Variants in ABCB11 observed in about 807,000 individuals in gnomAD.
The protein encoded by ABCB11 is bile salt export pump.
A neutral mutation model predicts 148.0 loss-of-function variants in ABCB11; 95 were observed. That is an observed-to-expected ratio of 0.64 (90% CI 0.54 to 0.76). The LOEUF (loss-of-function observed/expected upper bound fraction) is 0.76. Among genes scored for constraint, ABCB11 ranks in the 30% least tolerant of loss-of-function variants. The pLI, the probability that ABCB11 is intolerant of heterozygous loss-of-function variation, is 0.00. For synonymous variants in ABCB11, 591 were observed against 555.4 expected (o/e 1.06, Z -0.90); for missense variants, 1,523 against 1,617.8 (o/e 0.94, Z 1.01).
rs59452577 is a variant in ABCB11 at position 169,021,373 on chromosome 2, T to C, written c.-27-3221A>G. 0.015 allele frequency among the ~76,000 whole-genome samples: 2,246 copies of C among 152,268 alleles called. 242 individuals carry two copies. In the East Asian group the frequency reaches 0.29, roughly 20 times the overall value. On this transcript the variant is annotated intron_variant, in intron 1 of 27. Transcript: ENST00000650372. ...TGCAAATACTGATGTCTCAAAGCTG[T>C]TATGTTAATGTCAGAAAAATAGAAT...
At position 168,923,738 on chromosome 2, in the gene ABCB11, C is replaced by T. The variant is rs766784155; in HGVS notation, c.3850G>A (p.Asp1284Asn). 8 of 1,613,812 alleles carry T rather than the reference C, an allele frequency of 5.0e-6. No individual in the cohort carries two copies. In the South Asian group the frequency reaches 7.7e-5, roughly 16 times the overall value. ...CCCTGTGCCATGACAGCAATGATAT[C>T]CGCGTTCTGGATGGTGGACAAGCGA... is the stretch of plus-strand genomic sequence containing the variant. ...AHRLSTIQNA[D>N]IIAVMAQGVV... is the part of the protein sequence containing the mutation. The change falls in exon 28 of 28, where the codon GAT becomes AAT. Residue 1284 changes from aspartate to asparagine, a missense_variant. Coordinates refer to ENST00000650372, the MANE Select transcript of ABCB11 (RefSeq NM_003742.4).
chr2:168,937,065 T>C (rs977496818), intron 21 of ABCB11, among the ~76,000 whole-genome samples: 2 of 152,062 alleles, frequency 1.3e-5, no homozygotes, highest in African/African-American at 4.8e-5. Context: ...TTTTTTAATC[T>C]TAGTAGAAAT....
intron 18 of ABCB11, 100 bp from the exon 19 acceptor site, chr2:168,958,228 A>T: frequency 1.7e-6 from 2 of 1,167,442 alleles, no homozygotes; most frequent in Non-Finnish European, 2.5e-6. Context: ...TAGTTTGATT[A>T]GTTATGAGTG....
In ABCB11 at chr2:169,013,683, C is replaced by T. The variant is rs191025555; in HGVS notation, c.151-173G>A. The stretch of plus-strand genomic sequence containing the variant: ...ACTAATTATATTGAAATAAACGGCA[C>T]GGTACATCAATTATCTAAAACATTA... On this transcript the variant is annotated intron_variant, in intron 4 of 27. Transcript: ENST00000650372. Among the ~76,000 whole-genome samples the T allele has an allele frequency of 1.1e-4, 17 of 152,192 alleles. 1 individual carries two copies. The highest frequency in any genetic ancestry group is 2.2e-4 in the Non-Finnish European group (15 of 68,016).
chr2:168,952,488 C>T (rs1692610376), intron 19 of ABCB11, among the ~76,000 whole-genome samples: 2 of 151,386 alleles, frequency 1.3e-5, no homozygotes, highest in South Asian at 4.2e-4. Flanking sequence ...TTATCTATTT[C>T]CTCTAAGTTT....
At chr2:168,950,156 C>T (rs1337527047) in intron 19 of ABCB11, among the ~76,000 whole-genome samples, 1 of 150,750 alleles carries the variant, frequency 6.6e-6, no homozygotes, top group South Asian at 2.1e-4. Context: ...CACACACACA[C>T]ACACACACAC....
chr2:168,927,138 C>T lies in ABCB11; in HGVS notation c.3618+18G>A. 6.2e-7 allele frequency: 1 copy of T among 1,606,318 alleles called. No homozygotes were observed. Among genetic ancestry groups the T allele is most frequent in the South Asian group, 1.1e-5 (1 of 90,906 alleles). On this transcript the variant is annotated intron_variant, in intron 26 of 27. Transcript: ENST00000650372. ...CATCCTTGTCTCTCATAGGGAATGGCTCTGACTTCGTACTCACCTCTGGGA... is the reference window on the plus strand; with the variant it reads ...CATCCTTGTCTCTCATAGGGAATGGTTCTGACTTCGTACTCACCTCTGGGA...
At chr2:168,973,937 G>A in intron 12 of ABCB11, 97 bp from the exon 13 acceptor site, 2 of 1,388,536 alleles carry the variant, frequency 1.4e-6, no homozygotes, top group African/African-American at 1.4e-5. Flanking sequence ...GATACTCGGT[G>A]TCTGTGTGTG....
In ABCB11 at chr2:168,936,411, A is replaced by T. The variant is rs778230126; in HGVS notation, c.2633T>A (p.Met878Lys). The T allele has an allele frequency of 1.9e-6, 3 of 1,613,996 alleles. No individual in the cohort carries two copies. The South Asian group carries it at 3.3e-5, about 18-fold the overall frequency. ...VQGAAGSQIG[M>K]IVNSFTNVTV... is the part of the protein sequence containing the mutation. ...GACGTTAGTGAAGGAATTGACTATC[A>T]TCCCGATCTGAGAGCCGGCAGCCTG... The change falls in exon 22 of 28, where the codon ATG becomes AAG. Residue 878 changes from methionine to lysine, a missense_variant. By Grantham distance (95) the Met-to-Lys change is moderately conservative. Coordinates refer to ENST00000650372, the MANE Select transcript of ABCB11 (RefSeq NM_003742.4).
chr2:168,953,744 G>A (rs1692667928), intron 19 of ABCB11, among the ~76,000 whole-genome samples: 1 of 151,442 alleles, frequency 6.6e-6, no homozygotes, highest in Non-Finnish European at 1.5e-5. Context: ...AAGTCAAATC[G>A]GGAACTGCTT....
intron 13 of ABCB11, 137 bp downstream of exon 13, chr2:168,973,578 A>G: frequency 2.7e-6 from 3 of 1,107,756 alleles, no homozygotes; most frequent in Non-Finnish European, 3.8e-6. Flanking sequence ...TGTCCCATCA[A>G]TTCAGTAACA....
intron 11 of ABCB11, among the ~76,000 whole-genome samples, chr2:168,977,545 C>T (rs1693962028): frequency 6.6e-6 from 1 of 152,214 alleles, no homozygotes; most frequent in South Asian, 2.1e-4. Context: ...TACCAGAACA[C>T]TCCAGCATCA....
chr2:168,992,477 G>A (rs1269483991), intron 8 of ABCB11, among the ~76,000 whole-genome samples: 1 of 152,102 alleles, frequency 6.6e-6, no homozygotes, highest in Non-Finnish European at 1.5e-5. Flanking sequence ...GGGTTCTCTG[G>A]AGTATAGTTG....
chr2:169,018,184 T>C lies in ABCB11; in HGVS notation c.-27-32A>G, dbSNP rs564666030. 2.4e-5 allele frequency: 38 copies of C among 1,554,470 alleles called. No homozygotes were observed. In the East Asian group the frequency reaches 8.5e-4, roughly 35 times the overall value. ...AATAAAATAAAAGAATCATTGCAAT[T>C]ATTATCTCTTCTTTCTTCTTTAATC... is the stretch of plus-strand genomic sequence containing the variant. On this transcript the variant is annotated intron_variant, in intron 1 of 27. Coordinates refer to ENST00000650372, the MANE Select transcript of ABCB11 (RefSeq NM_003742.4).
At chr2:168,919,784 C>T (rs1195165718), downstream of ABCB11, among the ~76,000 whole-genome samples, 3 of 152,022 alleles carry the variant, frequency 2.0e-5, no homozygotes, top group Non-Finnish European at 2.9e-5. Flanking sequence ...GAAGGCAAAT[C>T]TTTATGAATT....
At chr2:168,971,140 C>T (rs1443787946) in intron 14 of ABCB11, among the ~76,000 whole-genome samples, 1 of 151,958 alleles carries the variant, frequency 6.6e-6, no homozygotes, top group African/African-American at 2.4e-5. Flanking sequence ...CTTGAGCAAG[C>T]TATTTGACCT....
Position 168,976,573 on chromosome 2 carries a change from T to C in ABCB11, c.1308+4A>G, listed in dbSNP as rs887113888. The C allele has an allele frequency of 4.6e-5, 71 of 1,544,500 alleles. No individual in the cohort carries two copies. Among genetic ancestry groups the C allele is most frequent in the Non-Finnish European group, 5.5e-5 (62 of 1,122,924 alleles). ...ACTATTCTGGGGAACAGACCAGCAC[T>C]CACCTTCACCTCTGGTCTGGAAGGA... On this transcript the variant is annotated splice_donor_region_variant and intron_variant, in intron 12 of 27. Coordinates refer to ENST00000650372, the MANE Select transcript of ABCB11 (RefSeq NM_003742.4).
intron 19 of ABCB11, among the ~76,000 whole-genome samples, chr2:168,957,366 A>G (rs950510226): frequency 2.6e-5 from 4 of 151,730 alleles, no homozygotes; most frequent in African/African-American, 9.7e-5. Flanking sequence ...TGCCTGATAC[A>G]TGTTCATAGT....
chr2:168,935,453 T>C, intron 22 of ABCB11, 28 bp from the exon 23 acceptor site: 3 of 1,594,880 alleles, frequency 1.9e-6, no homozygotes, highest in Non-Finnish European at 2.6e-6. Flanking sequence ...GTCTTAGGAA[T>C]ACAAGGGCAG....
Sources: gnomAD v4.1 joint callset for allele counts (sites outside exome capture counted in the v4.1 genomes callset) on GRCh38, gnomAD v4.1.1 for gene constraint, MANE v1.5 for transcripts, NCBI Gene and HGNC (gene_info 2026-07-23, HGNC 2026-07-21) for gene names.